The following TDRP variants were observed in gnomAD, a reference collection of about 807,000 sequenced individuals.
TDRP encodes the protein testis development related protein, also known as testis development-related protein.
A neutral mutation model predicts 10.5 loss-of-function variants in TDRP; 12 were observed. That is an observed-to-expected ratio of 1.15 (90% CI 0.73 to 1.86). The LOEUF (loss-of-function observed/expected upper bound fraction) is 1.86, where lower values mean the gene tolerates loss of function less well. TDRP is among the 40% of genes most tolerant of loss of function. The probability of loss-of-function intolerance (pLI) is 0.00; values close to 1 mark genes in which losing one functional copy is unlikely to be tolerated. For missense variants in TDRP, 353 were observed against 229.2 expected, an observed-to-expected ratio of 1.54 and a Z score of -3.49; for synonymous variants, 139 against 95.4, an observed-to-expected ratio of 1.46 and a Z score of -2.67.
At chr8:507,652 T>TG (rs1233506141) in intron 1 of TDRP, among the ~76,000 whole-genome samples, 2 of 152,076 alleles carry the variant, frequency 1.3e-5, no homozygotes, top group African/African-American at 4.8e-5. Flanking sequence ...ATTACACCAC[T>TG]GGGGGCAGGG....
intron 1 of TDRP, among the ~76,000 whole-genome samples, chr8:497,277 G>C (rs1037557389): frequency 6.6e-6 from 1 of 152,202 alleles, no homozygotes; most frequent in African/African-American, 2.4e-5. Flanking sequence ...ATGAAGTCCA[G>C]GATTAGGTAG....
At chr8:522,767 G>A (rs537915136) in intron 1 of TDRP, among the ~76,000 whole-genome samples, 1 of 152,260 alleles carries the variant, frequency 6.6e-6, no homozygotes, top group East Asian at 1.9e-4. Context: ...TTATCCCACA[G>A]CAATTACATA....
At chr8:528,753 G>C (rs141157919) in intron 1 of TDRP, among the ~76,000 whole-genome samples, 72 of 152,020 alleles carry the variant, frequency 4.7e-4, no homozygotes, top group African/African-American at 1.7e-3. Context: ...TACCAGTCAG[G>C]GTTCTCTAAA....
chr8:492,405 C>A lies in TDRP; in HGVS notation c.552G>T (p.Ala184=). ...KGHLTDSPEE[A]E ...ACTTGCCACGCAGCCCCCCTCACTC[C>A]GCCTCCTCCGGGCTATCTGTCAGGT... Residue 184 remains alanine, a synonymous_variant, in exon 3 of 3, where the codon GCG becomes GCT. Transcript: ENST00000324079. 6.5e-7 allele frequency: 1 copy of A among 1,529,924 alleles called. No individual in the cohort carries two copies. The highest frequency in any genetic ancestry group is 8.8e-7 in the Non-Finnish European group (1 of 1,136,132). The allele number at this position is 1,529,924 out of a possible 1,614,324, so 94.8% of individuals were successfully genotyped here.
intron 2 of TDRP, among the ~76,000 whole-genome samples, chr8:494,237 A>T (rs1017025464): frequency 6.6e-6 from 1 of 152,026 alleles, no homozygotes; most frequent in African/African-American, 2.4e-5. Context: ...CTGGGATTAC[A>T]GGCATGAGCC....
In TDRP at chr8:494,610, TAAG is replaced by T; in HGVS notation, c.109-16_109-14del. ...TTGCTCCCTGAACCTAATAAAAGGT[TAAG>T]AAAAATGTCAAATCTGATGTCATGA... On this transcript the variant is annotated splice_polypyrimidine_tract_variant and intron_variant, in intron 1 of 2. Transcript: ENST00000324079. 1 of 1,610,272 alleles carries T rather than the reference TAAG, an allele frequency of 6.2e-7. No individual in the cohort carries two copies. Among genetic ancestry groups the T allele is most frequent in the East Asian group, 2.2e-5 (1 of 44,850 alleles).
Position 491,437 on chromosome 8 carries a change from C to T in TDRP, c.*962G>A, listed in dbSNP as rs552222062. 5.3e-5 allele frequency: 29 copies of T among 550,612 alleles called. No homozygotes were observed. Among genetic ancestry groups the T allele is most frequent in the South Asian group, 4.6e-4 (12 of 26,266 alleles). 34.1% of individuals were successfully genotyped at this position (550,612 alleles called of 1,614,324 possible). Reference sequence around the variant, plus strand: ...GGACAGTAAGCAGACAGAAAAAGAACGCGAGAGATGCTCTCAAACCGGTCG... The same window carrying T: ...GGACAGTAAGCAGACAGAAAAAGAATGCGAGAGATGCTCTCAAACCGGTCG... On this transcript the variant is annotated 3_prime_UTR_variant, in exon 3 of 3. Transcript: ENST00000324079.
At chr8:507,038 T>G (rs985565049) in intron 1 of TDRP, among the ~76,000 whole-genome samples, 21 of 152,110 alleles carry the variant, frequency 1.4e-4, no homozygotes, top group African/African-American at 5.1e-4. Flanking sequence ...TGGGAAGCTT[T>G]GGGAAACTTA....
At chr8:532,906 C>T (rs1357095417) in intron 1 of TDRP, among the ~76,000 whole-genome samples, 1 of 152,184 alleles carries the variant, frequency 6.6e-6, no homozygotes, top group Non-Finnish European at 1.5e-5. Flanking sequence ...GTGGTTCTGA[C>T]ACTGCATGGA....
rs1189221166 is a variant in TDRP, at chr8:491,613, G to C, written c.*786C>G. Reference sequence around the variant, plus strand: ...AGTCTTAACTCTCTATAATGAGCAAGACAATGTTTCCTAAATGAAATTATC... The same window carrying C: ...AGTCTTAACTCTCTATAATGAGCAACACAATGTTTCCTAAATGAAATTATC... On this transcript the variant is annotated 3_prime_UTR_variant, in exon 3 of 3. Transcript: ENST00000324079. 1.3e-6 allele frequency: 2 copies of C among 1,530,540 alleles called. No homozygotes were observed. The highest frequency in any genetic ancestry group is 1.7e-4 in the Middle Eastern group (1 of 5,994). The allele number at this position is 1,530,540 out of a possible 1,614,324, so 94.8% of individuals were successfully genotyped here. A position where few individuals can be genotyped will look rare whatever the true frequency, so the allele number is the denominator to read the frequency against.
chr8:523,650 T>C lies in TDRP; in HGVS notation c.108+21000A>G, dbSNP rs76061993. ...TTGGGCCTTGAGTTAACATCGGCAA[T>C]AGCCTGGCAATACTCTCCGAGGGCC... On this transcript the variant is annotated intron_variant, in intron 1 of 2. Transcript: ENST00000324079. Among the ~76,000 whole-genome samples, 17 of 152,240 alleles carry C rather than the reference T, an allele frequency of 1.1e-4. No individual in the cohort carries two copies. The East Asian group carries it at 3.3e-3, about 30-fold the overall frequency.
chr8:527,428 G>A (rs1265517675), intron 1 of TDRP, among the ~76,000 whole-genome samples: 1 of 151,920 alleles, frequency 6.6e-6, no homozygotes, highest in Non-Finnish European at 1.5e-5. Flanking sequence ...AAATGTATAT[G>A]GAATCACAAA....
chr8:524,565 G>A (rs1489396816), intron 1 of TDRP, among the ~76,000 whole-genome samples: 3 of 152,172 alleles, frequency 2.0e-5, no homozygotes, highest in Non-Finnish European at 2.9e-5. Context: ...AATCCTATCA[G>A]ATAAATTTGA....
At chr8:544,406 G>T (rs1412166502) in intron 1 of TDRP, among the ~76,000 whole-genome samples, 1 of 152,084 alleles carries the variant, frequency 6.6e-6, no homozygotes, top group Non-Finnish European at 1.5e-5. Context: ...GGCCAGTTAA[G>T]CGGGGAGTGG....
chr8:509,620 C>A (rs1269870561), intron 1 of TDRP, among the ~76,000 whole-genome samples: 4 of 152,070 alleles, frequency 2.6e-5, no homozygotes, highest in East Asian at 3.9e-4. Context: ...GCTCATCTGA[C>A]CCATTTTTTC....
intron 1 of TDRP, among the ~76,000 whole-genome samples, chr8:517,915 T>C (rs1192717607): frequency 6.6e-6 from 1 of 152,094 alleles, no homozygotes. Context: ...CACAAAACTA[T>C]GGAGACAGTA....
At chr8:505,360 G>T (rs2242) in intron 1 of TDRP, among the ~76,000 whole-genome samples, 46,507 of 152,084 alleles carry the variant, frequency 0.31, 7,254 homozygotes, top group Non-Finnish European at 0.33. Flanking sequence ...GTGAAACAGG[G>T]GTGGGAAGGA....
Position 492,719 on chromosome 8 carries a change from A to C in TDRP, c.238T>G (p.Leu80Val). 6.2e-7 allele frequency: 1 copy of C among 1,612,264 alleles called. No homozygotes were observed. Among genetic ancestry groups the C allele is most frequent in the Non-Finnish European group, 8.5e-7 (1 of 1,179,018 alleles). ...AATCCAGATTTCTTCTCTGCCTTCA[A>C]CTCTTCTTTTAATCGTAAGTTAGTT... ...KGTNLRLKEE[L>V]KAEKKSGFWD... The change falls in exon 3 of 3, where the codon TTG becomes GTG. Residue 80 changes from leucine (L) to valine (V), a missense_variant. Transcript: ENST00000324079.
intron 1 of TDRP, among the ~76,000 whole-genome samples, chr8:504,005 A>G (rs1801383854): frequency 6.7e-6 from 1 of 149,126 alleles, no homozygotes; most frequent in Non-Finnish European, 1.5e-5. Context: ...ACTGGAACCA[A>G]TGCCCACCTC....
Sources: gnomAD v4.1 joint callset for allele counts (sites outside exome capture counted in the v4.1 genomes callset) on GRCh38, gnomAD v4.1.1 for gene constraint, MANE v1.5 for transcripts, NCBI Gene and HGNC (gene_info 2026-07-23, HGNC 2026-07-21) for gene names.